The following TENM3 variants were observed in gnomAD, a reference collection of about 807,000 sequenced individuals.
TENM3 encodes teneurin transmembrane protein 3, also known as teneurin-3.
TENM3 carries 63 observed loss-of-function variants against 255.1 expected under a neutral mutation model. That is an observed-to-expected ratio of 0.25 (90% CI 0.20 to 0.30). The LOEUF is 0.30. Ranked by LOEUF, TENM3 falls within the 10% of genes least tolerant of loss-of-function variation. The pLI is 1.00. For missense variants in TENM3, 2,929 were observed against 3,461.1 expected (o/e 0.85, Z 3.86); for synonymous variants, 1,306 against 1,322.3 (o/e 0.99, Z 0.27).
At chr4:182,608,476 C>T (rs559181201) in intron 4 of TENM3, among the ~76,000 whole-genome samples, 3 of 152,204 alleles carry the variant, frequency 2.0e-5, no homozygotes, top group East Asian at 1.9e-4. Context: ...GGCTGCTTGG[C>T]GTTTATTTTC....
chr4:181,534,488 C>A, the TENM3 span, among the ~76,000 whole-genome samples: 1 of 151,360 alleles, frequency 6.6e-6, no homozygotes, highest in African/African-American at 2.4e-5. Context: ...CAGAAAAATA[C>A]CTTTGTTTCC....
intron 3 of TENM3, among the ~76,000 whole-genome samples, chr4:182,381,223 C>A (rs990518985): frequency 6.6e-6 from 1 of 152,160 alleles, no homozygotes; most frequent in African/African-American, 2.4e-5. Context: ...AAATTAGAGA[C>A]GGAAAACACC....
chr4:182,453,026 G>T (rs1010870816), intron 3 of TENM3, among the ~76,000 whole-genome samples: 1 of 150,364 alleles, frequency 6.7e-6, no homozygotes, highest in Non-Finnish European at 1.5e-5. Context: ...TTTTATATGT[G>T]TATATATATA....
At chr4:181,452,573 T>C in the TENM3 span, among the ~76,000 whole-genome samples, 1 of 152,164 alleles carries the variant, frequency 6.6e-6, no homozygotes, top group African/African-American at 2.4e-5. Context: ...TCCACCATGA[T>C]TGTAAGTTTC....
the TENM3 span, among the ~76,000 whole-genome samples, chr4:181,812,648 G>A: frequency 6.6e-5 from 10 of 152,268 alleles, no homozygotes; most frequent in African/African-American, 2.4e-4. Flanking sequence ...GCAGACACAT[G>A]AGTATCATTA....
chr4:181,693,810 T>C, the TENM3 span, among the ~76,000 whole-genome samples: 1 of 152,204 alleles, frequency 6.6e-6, no homozygotes, highest in Non-Finnish European at 1.5e-5. Context: ...AGGATAAGAA[T>C]AGCCTTGCAT....
chr4:181,672,789 CA>C, the TENM3 span, among the ~76,000 whole-genome samples: 1 of 152,236 alleles, frequency 6.6e-6, no homozygotes, highest in Admixed American at 6.5e-5. Flanking sequence ...AATCAATCTT[CA>C]AAATAAATTG....
chr4:182,680,702 G>A lies in TENM3; in HGVS notation c.1799G>A (p.Cys600Tyr). The change falls in exon 10 of 28, where the codon TGC (cysteine) becomes TAC (tyrosine). Residue 600 changes from cysteine (C) to tyrosine (Y), a missense_variant. Cys to Tyr is a radical substitution (Grantham distance 194). This residue lies in a region of TENM3 where 1,608 missense variants were observed against 1,884.4 expected (regional missense o/e 0.85). Coordinates refer to ENST00000511685, the MANE Select transcript of TENM3 (RefSeq NM_001080477.4). ...RGICIMGSCA[C>Y]NSGYKGESCE... Reference sequence around the variant, plus strand: ...ATTTGTATCATGGGCTCTTGTGCTTGCAACTCAGGATACAAAGGAGAAAGT... The same window carrying A: ...ATTTGTATCATGGGCTCTTGTGCTTACAACTCAGGATACAAAGGAGAAAGT... The A allele has an allele frequency of 6.3e-7, 1 of 1,586,052 alleles. No individual in the cohort carries two copies. The highest frequency in any genetic ancestry group is 1.1e-5 in the South Asian group (1 of 86,976).
chr4:181,952,132 G>A, the TENM3 span, among the ~76,000 whole-genome samples: 9 of 152,306 alleles, frequency 5.9e-5, no homozygotes, highest in South Asian at 1.9e-3. Flanking sequence ...AGTAATTAGG[G>A]ATGTGATCTG....
chr4:181,538,600 C>T, the TENM3 span, among the ~76,000 whole-genome samples: 2 of 152,102 alleles, frequency 1.3e-5, no homozygotes, highest in Admixed American at 6.5e-5. Context: ...TTCCATAGAA[C>T]ACCTATGAGA....
At chr4:181,516,465 A>G in the TENM3 span, among the ~76,000 whole-genome samples, 1 of 152,086 alleles carries the variant, frequency 6.6e-6, no homozygotes, top group Non-Finnish European at 1.5e-5. Context: ...AGAGCTAGAT[A>G]CTTAGTCCCA....
chr4:182,009,538 G>A, the TENM3 span, among the ~76,000 whole-genome samples: 2 of 152,286 alleles, frequency 1.3e-5, no homozygotes, highest in Non-Finnish European at 2.9e-5. Context: ...TTGGGCTGTG[G>A]GGACAAGTCT....
chr4:181,837,767 C>G, the TENM3 span, among the ~76,000 whole-genome samples: 2 of 152,152 alleles, frequency 1.3e-5, no homozygotes, highest in Non-Finnish European at 2.9e-5. Context: ...CTGCCCACAG[C>G]TGTTTTGCCA....
At chr4:182,003,844 TGTAA>T in the TENM3 span, among the ~76,000 whole-genome samples, 6 of 151,486 alleles carry the variant, frequency 4.0e-5, no homozygotes, top group African/African-American at 1.4e-4. Context: ...TTTCCCTGTG[TGTAA>T]GTTTCATGTT....
At chr4:182,684,814 A>G (rs940810632) in intron 11 of TENM3, among the ~76,000 whole-genome samples, 24 of 152,184 alleles carry the variant, frequency 1.6e-4, no homozygotes, top group African/African-American at 2.4e-5. Context: ...TGAAATGCAA[A>G]TTGTTTCCTC....
chr4:182,359,387 C>A (rs1187904536), intron 3 of TENM3, among the ~76,000 whole-genome samples: 1 of 151,398 alleles, frequency 6.6e-6, no homozygotes, highest in Non-Finnish European at 1.5e-5. Flanking sequence ...ATTATTGCCA[C>A]AATTTCAGCT....
the TENM3 span, among the ~76,000 whole-genome samples, chr4:181,507,954 T>G: frequency 2.0e-5 from 3 of 152,206 alleles, no homozygotes; most frequent in East Asian, 5.8e-4. Flanking sequence ...TTGATGTAGC[T>G]TTTATTGAAG....
At chr4:182,453,848 T>A (rs1773668363) in intron 3 of TENM3, among the ~76,000 whole-genome samples, 1 of 152,222 alleles carries the variant, frequency 6.6e-6, no homozygotes, top group Non-Finnish European at 1.5e-5. Flanking sequence ...TAACCATTAT[T>A]TCATTTTACC....
At chr4:182,238,797 T>C, upstream of TENM3, among the ~76,000 whole-genome samples, 1 of 152,314 alleles carries the variant, frequency 6.6e-6, no homozygotes, top group East Asian at 1.9e-4. Flanking sequence ...TATTAAAAGT[T>C]TTATAAAAAT....
Sources: gnomAD v4.1 joint callset for allele counts (sites outside exome capture counted in the v4.1 genomes callset) on GRCh38, gnomAD v4.1.1 for gene constraint, gnomAD v4.1.1 regional missense constraint, MANE v1.5 for transcripts, NCBI Gene and HGNC (gene_info 2026-07-23, HGNC 2026-07-21) for gene names.